The following CTNNBL1 variants were observed in gnomAD, a reference collection of about 807,000 sequenced individuals.
CTNNBL1 encodes the protein beta-catenin-like protein 1.
CTNNBL1 carries 31 observed loss-of-function variants against 72.7 expected under a neutral mutation model. That is an observed-to-expected ratio of 0.43 (90% CI 0.32 to 0.58). The LOEUF (loss-of-function observed/expected upper bound fraction) is 0.58. Ranked by LOEUF, CTNNBL1 falls within the 20% of genes least tolerant of loss-of-function variation. CTNNBL1 has a pLI of 0.08. For synonymous variants in CTNNBL1, 240 were observed against 267.3 expected (o/e 0.90, Z 1.00); for missense variants, 534 against 725.1 (o/e 0.74, Z 3.03).
chr20:37,802,751 G>C, intron 10 of CTNNBL1, 116 bp from the exon 11 acceptor site: 4 of 787,954 alleles, frequency 5.1e-6, no homozygotes, highest in Non-Finnish European at 6.1e-6. Context: ...TTGTTAACAA[G>C]TATGTAATAT....
intron 13 of CTNNBL1, among the ~76,000 whole-genome samples, chr20:37,858,362 G>A (rs2072461358): frequency 1.3e-5 from 2 of 152,252 alleles, no homozygotes; most frequent in African/African-American, 2.4e-5. Context: ...TCAGTATGAA[G>A]ATGATGGGGA....
intron 11 of CTNNBL1, among the ~76,000 whole-genome samples, chr20:37,812,961 C>T (rs932373957): frequency 7.3e-5 from 11 of 151,348 alleles, no homozygotes; most frequent in African/African-American, 2.7e-4. Flanking sequence ...CCAAGCCAAA[C>T]CTTTGGTAAA....
chr20:37,721,302 TA>T (rs2073038855), intron 1 of CTNNBL1, among the ~76,000 whole-genome samples: 1 of 152,210 alleles, frequency 6.6e-6, no homozygotes, highest in Admixed American at 6.5e-5. Flanking sequence ...TTTATACTTC[TA>T]AAAAGTGCAC....
At chr20:37,765,462 T>G (rs975794502) in intron 6 of CTNNBL1, among the ~76,000 whole-genome samples, 172 bp downstream of exon 6, 1 of 152,344 alleles carries the variant, frequency 6.6e-6, no homozygotes, top group East Asian at 1.9e-4. Flanking sequence ...TCATATAACT[T>G]CAGCTTTGGT....
At position 37,779,260 on chromosome 20, in the gene CTNNBL1, C is replaced by T; in HGVS notation, c.956C>T (p.Ser319Phe). 1 of 1,613,780 alleles carries T rather than the reference C, an allele frequency of 6.2e-7. No homozygotes were observed. Among genetic ancestry groups the T allele is most frequent in the Non-Finnish European group, 8.5e-7 (1 of 1,179,740 alleles). ...MMENLFDSLC[S>F]CLMLSSNRER... Reference sequence around the variant, plus strand: ...GAGAATCTGTTTGATTCCCTCTGCTCCTGTCTAATGCTTAGTTCCAATCGT... The same window carrying T: ...GAGAATCTGTTTGATTCCCTCTGCTTCTGTCTAATGCTTAGTTCCAATCGT... Residue 319 changes from serine to phenylalanine, a missense_variant, in exon 10 of 16, where the codon TCC (serine) becomes TTC (phenylalanine). Ser to Phe is a radical substitution (Grantham distance 155). Coordinates refer to ENST00000361383, the MANE Select transcript of CTNNBL1 (RefSeq NM_030877.5).
chr20:37,707,856 C>T (rs1273059114), intron 1 of CTNNBL1, among the ~76,000 whole-genome samples: 7 of 152,126 alleles, frequency 4.6e-5, no homozygotes, highest in African/African-American at 9.7e-5. Flanking sequence ...CACTTGAACA[C>T]TTAGGGCCAT....
intron 13 of CTNNBL1, among the ~76,000 whole-genome samples, chr20:37,857,450 T>A (rs1474466724): frequency 6.6e-6 from 1 of 152,190 alleles, no homozygotes; most frequent in African/African-American, 2.4e-5. Flanking sequence ...AGGAGTCTCC[T>A]TTGTAACCCT....
At chr20:37,737,052 T>A (rs745877174) in intron 2 of CTNNBL1, among the ~76,000 whole-genome samples, 1 of 151,720 alleles carries the variant, frequency 6.6e-6, no homozygotes, top group Non-Finnish European at 1.5e-5. Flanking sequence ...AGAAACCCTG[T>A]CTCTACTAAA....
At chr20:37,829,586 C>A (rs896721955) in intron 11 of CTNNBL1, among the ~76,000 whole-genome samples, 1 of 152,144 alleles carries the variant, frequency 6.6e-6, no homozygotes, top group Non-Finnish European at 1.5e-5. Flanking sequence ...TTCCCTCCTG[C>A]GACATTGATC....
intron 10 of CTNNBL1, among the ~76,000 whole-genome samples, chr20:37,796,130 G>T (rs933163394): frequency 1.3e-5 from 2 of 152,094 alleles, no homozygotes; most frequent in Non-Finnish European, 2.9e-5. Context: ...TACTGTAACT[G>T]GTGGGAATAC....
At chr20:37,786,453 C>T (rs1476884810) in intron 10 of CTNNBL1, among the ~76,000 whole-genome samples, 1 of 152,172 alleles carries the variant, frequency 6.6e-6, no homozygotes, top group Non-Finnish European at 1.5e-5. Context: ...TCTATTGCGA[C>T]TGAGCTGGCA....
chr20:37,804,182 G>A (rs1249471607), intron 11 of CTNNBL1, among the ~76,000 whole-genome samples: 1 of 152,140 alleles, frequency 6.6e-6, no homozygotes, highest in Non-Finnish European at 1.5e-5. Context: ...AACTCATTTT[G>A]ACCAAACACT....
rs2073400138 is a variant in CTNNBL1, at chr20:37,759,913, A to G, written c.564+2257A>G. Among the ~76,000 whole-genome samples the G allele has an allele frequency of 2.0e-5, 3 of 152,362 alleles. No individual in the cohort carries two copies. In the South Asian group the frequency reaches 6.2e-4, roughly 32 times the overall value. ...AATTTGAGGCCAATATCTGAGGCCT[A>G]GAATTGCACGAGCAGAGGCTAGAGG... On this transcript the variant is annotated intron_variant, in intron 5 of 15. Coordinates refer to ENST00000361383, the MANE Select transcript of CTNNBL1 (RefSeq NM_030877.5).
At chr20:37,708,272 G>T (rs1274647131) in intron 1 of CTNNBL1, among the ~76,000 whole-genome samples, 1 of 151,050 alleles carries the variant, frequency 6.6e-6, no homozygotes, top group Non-Finnish European at 1.5e-5. Context: ...CTGCAGCCTT[G>T]ACCTCATGGG....
chr20:37,695,312 A>G (rs1317876842), intron 1 of CTNNBL1, among the ~76,000 whole-genome samples: 1 of 152,198 alleles, frequency 6.6e-6, no homozygotes, highest in African/African-American at 2.4e-5. Flanking sequence ...GGTCTAAGGT[A>G]TCCTCCCAAG....
chr20:37,777,215 C>G (rs139994999), intron 7 of CTNNBL1, 130 bp from the exon 8 acceptor site: 1 of 691,858 alleles, frequency 1.4e-6, no homozygotes, highest in African/African-American at 1.8e-5. Context: ...ACGTTTTTAC[C>G]CTTAACTGCC....
intron 13 of CTNNBL1, among the ~76,000 whole-genome samples, chr20:37,849,350 G>A (rs903425459): frequency 1.3e-5 from 2 of 152,150 alleles, no homozygotes; most frequent in Non-Finnish European, 2.9e-5. Context: ...AACCTCCTGC[G>A]CCGGCCTCAT....
chr20:37,704,548 C>CA lies in CTNNBL1; in HGVS notation c.30+10409dup, dbSNP rs954593018. Reference sequence around the variant, plus strand: ...TGGGCAACACAGTGAGACATCGTCTCAAAAAAAAAAAAATTTGCTGGGTTT... The same window carrying CA: ...TGGGCAACACAGTGAGACATCGTCTCAAAAAAAAAAAAAATTTGCTGGGTTT... On this transcript the variant is annotated intron_variant, in intron 1 of 15. Coordinates refer to ENST00000361383, the MANE Select transcript of CTNNBL1 (RefSeq NM_030877.5). 4.8e-3 allele frequency among the ~76,000 whole-genome samples: 679 copies of CA among 141,480 alleles called. 2 individuals carry two copies. The highest frequency in any genetic ancestry group is 0.012 in the African/African-American group (449 of 38,622). 92.8% of individuals were successfully genotyped at this position (141,480 alleles called of 152,430 possible).
chr20:37,831,134 C>A (rs911735390), intron 11 of CTNNBL1, among the ~76,000 whole-genome samples: 1 of 152,200 alleles, frequency 6.6e-6, no homozygotes, highest in Admixed American at 6.5e-5. Flanking sequence ...ATTCACCTGC[C>A]AGTGTAATAC....
Sources: allele counts gnomAD v4.1 joint callset (sites outside exome capture counted in the v4.1 genomes callset), GRCh38; gene constraint gnomAD v4.1.1; transcripts MANE v1.5; gene names NCBI Gene and HGNC (gene_info 2026-07-23, HGNC 2026-07-21).